The following KHDRBS2 variants were observed in gnomAD, a reference collection of about 807,000 sequenced individuals.
The protein encoded by KHDRBS2 is KH domain-containing, RNA-binding, signal transduction-associated protein 2.
KHDRBS2 carries 26 observed loss-of-function variants against 44.3 expected under a neutral mutation model. The observed-to-expected ratio is 0.59, with a 90% confidence interval of 0.43 to 0.81. The LOEUF (loss-of-function observed/expected upper bound fraction) is 0.81, where lower values mean the gene tolerates loss of function less well. Among genes scored for constraint, KHDRBS2 ranks in the 40% least tolerant of loss-of-function variants. KHDRBS2 has a pLI of 0.00. For missense variants in KHDRBS2, 476 were observed against 433.1 expected, an observed-to-expected ratio of 1.10 and a Z score of -0.88; for synonymous variants, 194 against 151.1, an observed-to-expected ratio of 1.28 and a Z score of -2.08.
At chr6:62,180,628 T>C (rs1444755486) in intron 1 of KHDRBS2, among the ~76,000 whole-genome samples, 1 of 151,812 alleles carries the variant, frequency 6.6e-6, no homozygotes, top group Non-Finnish European at 1.5e-5. Context: ...CCCAATAACC[T>C]AAAGATTCAG....
chr6:61,554,336 T>G, the KHDRBS2 span, among the ~76,000 whole-genome samples: 1 of 152,198 alleles, frequency 6.6e-6, no homozygotes, highest in Non-Finnish European at 1.5e-5. Context: ...CCCTGTTTTT[T>G]TTTCGGTTTC....
chr6:62,043,136 T>C (rs1372885051), intron 3 of KHDRBS2, among the ~76,000 whole-genome samples: 1 of 152,102 alleles, frequency 6.6e-6, no homozygotes, highest in African/African-American at 2.4e-5. Flanking sequence ...TAACCTTTTT[T>C]CTTGGAGAGA....
intron 8 of KHDRBS2, among the ~76,000 whole-genome samples, chr6:61,684,985 T>G (rs993788481): frequency 6.6e-6 from 1 of 151,714 alleles, no homozygotes; most frequent in Non-Finnish European, 1.5e-5. Context: ...TGCCAGTTAC[T>G]ATACTATGTC....
intron 3 of KHDRBS2, among the ~76,000 whole-genome samples, chr6:62,024,158 T>G (rs1279216453): frequency 6.6e-6 from 1 of 151,416 alleles, no homozygotes; most frequent in Non-Finnish European, 1.5e-5. Context: ...TCTCCACTCA[T>G]TCATCATCTT....
At chr6:61,858,189 C>A (rs956137747) in intron 6 of KHDRBS2, among the ~76,000 whole-genome samples, 23 of 151,562 alleles carry the variant, frequency 1.5e-4, no homozygotes, top group African/African-American at 5.6e-4. Flanking sequence ...ATTTTACATT[C>A]TCTTTAATGT....
chr6:61,652,868 G>A, the KHDRBS2 span, among the ~76,000 whole-genome samples: 1 of 152,052 alleles, frequency 6.6e-6, no homozygotes, highest in East Asian at 1.9e-4. Context: ...AAGACATTTA[G>A]TTTACAAGCC....
chr6:62,049,220 T>C (rs1466820926), intron 2 of KHDRBS2, among the ~76,000 whole-genome samples: 1 of 151,764 alleles, frequency 6.6e-6, no homozygotes, highest in Non-Finnish European at 1.5e-5. Context: ...TCAGCAAAAG[T>C]GTCAAAGCAA....
intron 1 of KHDRBS2, among the ~76,000 whole-genome samples, chr6:62,181,755 G>C (rs187470354): frequency 6.6e-6 from 1 of 152,034 alleles, no homozygotes; most frequent in Non-Finnish European, 1.5e-5. Context: ...TTAGGCCTTT[G>C]GGAGGTGATT....
At chr6:62,249,657 G>A (rs1454499353) in intron 1 of KHDRBS2, among the ~76,000 whole-genome samples, 3 of 151,862 alleles carry the variant, frequency 2.0e-5, no homozygotes, top group Admixed American at 6.6e-5. Flanking sequence ...GAATGCAGGC[G>A]GCCATTTAAC....
chr6:62,200,293 C>A (rs989278807), intron 1 of KHDRBS2, among the ~76,000 whole-genome samples: 51 of 152,130 alleles, frequency 3.4e-4, no homozygotes, highest in Non-Finnish European at 5.9e-4. Flanking sequence ...TCAGAGTGAA[C>A]AGGCAACTGA....
At chr6:62,241,512 C>G (rs186597091) in intron 1 of KHDRBS2, among the ~76,000 whole-genome samples, 296 of 151,954 alleles carry the variant, frequency 1.9e-3, no homozygotes, top group Middle Eastern at 0.01. Context: ...CACTGTTCCA[C>G]ATAGTTTTAT....
At chr6:62,097,335 C>A (rs1355456302) in intron 2 of KHDRBS2, among the ~76,000 whole-genome samples, 1 of 151,850 alleles carries the variant, frequency 6.6e-6, no homozygotes, top group Non-Finnish European at 1.5e-5. Flanking sequence ...GTATTAAAGT[C>A]CCCTACTATT....
chr6:61,901,429 G>GAAA (rs202202725), intron 4 of KHDRBS2, 58 bp from the exon 5 acceptor site: 41 of 987,744 alleles, frequency 4.2e-5, no homozygotes, highest in South Asian at 1.5e-4. Context: ...CTCAGAGTTG[G>GAAA]AAAAAAAAAA....
At chr6:61,974,383 C>T (rs1312367308) in intron 4 of KHDRBS2, among the ~76,000 whole-genome samples, 1 of 151,098 alleles carries the variant, frequency 6.6e-6, no homozygotes, top group African/African-American at 2.4e-5. Context: ...GCAATACTTG[C>T]TTACCTCTTT....
intron 3 of KHDRBS2, among the ~76,000 whole-genome samples, chr6:62,027,082 C>T (rs1783495155): frequency 6.6e-6 from 1 of 150,788 alleles, no homozygotes; most frequent in Non-Finnish European, 1.5e-5. Context: ...TTAGATTCAT[C>T]TCTGGAACTT....
intron 4 of KHDRBS2, among the ~76,000 whole-genome samples, chr6:61,952,546 T>A (rs1335196530): frequency 6.6e-6 from 1 of 152,076 alleles, no homozygotes. Flanking sequence ...TTTTTTGCAA[T>A]CATTTTCAAT....
intron 2 of KHDRBS2, among the ~76,000 whole-genome samples, chr6:62,111,167 G>A (rs531241671): frequency 6.6e-6 from 1 of 152,036 alleles, no homozygotes; most frequent in South Asian, 2.1e-4. Context: ...TATAAGCTAA[G>A]GTATCCACAT....
chr6:61,952,137 T>G (rs974177191), intron 4 of KHDRBS2, among the ~76,000 whole-genome samples: 1 of 152,080 alleles, frequency 6.6e-6, no homozygotes, highest in Admixed American at 6.6e-5. Context: ...CAACTAAGCA[T>G]AAGCATACAT....
chr6:61,873,886 A>C (rs1042608210), intron 6 of KHDRBS2, among the ~76,000 whole-genome samples: 2 of 152,068 alleles, frequency 1.3e-5, no homozygotes, highest in Non-Finnish European at 2.9e-5. Flanking sequence ...AAATCAATTC[A>C]GGTCAATATA....
Sources: gnomAD v4.1 joint callset for allele counts (sites outside exome capture counted in the v4.1 genomes callset) on GRCh38, gnomAD v4.1.1 for gene constraint, MANE v1.5 for transcripts, NCBI Gene and HGNC (gene_info 2026-07-23, HGNC 2026-07-21) for gene names.